The following JAKMIP2 variants were observed in gnomAD, a reference collection of about 807,000 sequenced individuals.
JAKMIP2 encodes janus kinase and microtubule interacting protein 2, also known as janus kinase and microtubule-interacting protein 2.
A neutral mutation model predicts 115.0 loss-of-function variants in JAKMIP2; 25 were observed. The observed-to-expected ratio is 0.22, with a 90% CI of 0.16 to 0.30. JAKMIP2 has a LOEUF of 0.30. Ranked by LOEUF, JAKMIP2 falls within the 10% of genes least tolerant of loss-of-function variation. The pLI is 1.00. For missense variants in JAKMIP2, 642 were observed against 957.6 expected (o/e 0.67, Z 4.35); for synonymous variants, 334 against 343.6 (o/e 0.97, Z 0.31).
intron 8 of JAKMIP2, 34 bp downstream of exon 8, chr5:147,641,674 T>C: frequency 6.7e-7 from 1 of 1,501,258 alleles, no homozygotes; most frequent in Non-Finnish European, 9.3e-7. Context: ...TGGCTGTTTG[T>C]GGCAAATGCC....
At chr5:147,697,088 G>A (rs981861607) in intron 1 of JAKMIP2, among the ~76,000 whole-genome samples, 2 of 152,120 alleles carry the variant, frequency 1.3e-5, no homozygotes, top group Admixed American at 1.3e-4. Context: ...GTAACAAGGA[G>A]CCTGTATTAG....
rs979291431 is a variant in JAKMIP2 at position 147,772,122 on chromosome 5, GT to G, written c.-149+10333del. Among the ~76,000 whole-genome samples the G allele has an allele frequency of 5.7e-4, 86 of 151,966 alleles. 1 individual carries two copies. Among genetic ancestry groups the G allele is most frequent in the African/African-American group, 2.0e-3 (82 of 41,444 alleles). ...CTTGTGAGAATGTGAAGTATTAAAA[GT>G]TTTTTTATAACTTGAAAAATAAAGT... On this transcript the variant is annotated intron_variant, in intron 1 of 21. Transcript: ENST00000616793.
At chr5:147,729,121 AG>A (rs1316836310) in intron 1 of JAKMIP2, among the ~76,000 whole-genome samples, 1 of 152,194 alleles carries the variant, frequency 6.6e-6, no homozygotes, top group Admixed American at 6.5e-5. Flanking sequence ...GGCAGGAAAG[AG>A]GGAAGGGAGG....
At chr5:147,736,782 A>G (rs145831524) in intron 1 of JAKMIP2, among the ~76,000 whole-genome samples, 4 of 152,200 alleles carry the variant, frequency 2.6e-5, no homozygotes, top group African/African-American at 9.6e-5. Flanking sequence ...CAATGTACGG[A>G]ATTTAGGGTC....
At chr5:147,775,026 T>C (rs1374071632) in intron 1 of JAKMIP2, among the ~76,000 whole-genome samples, 1 of 152,118 alleles carries the variant, frequency 6.6e-6, no homozygotes, top group Non-Finnish European at 1.5e-5. Flanking sequence ...ACTCCAGAAA[T>C]TCAAGAATTG....
chr5:147,666,547 G>A (rs1242437340), intron 2 of JAKMIP2, among the ~76,000 whole-genome samples: 2 of 152,124 alleles, frequency 1.3e-5, no homozygotes, highest in South Asian at 2.1e-4. Flanking sequence ...CCTCCCGGGC[G>A]GCTCTATGAT....
At chr5:147,598,277 GC>G in intron 21 of JAKMIP2, among the ~76,000 whole-genome samples, 1 of 152,162 alleles carries the variant, frequency 6.6e-6, no homozygotes, top group Admixed American at 6.5e-5. Context: ...GGGATTACAG[GC>G]GTGAGCCATC....
chr5:147,745,248 T>C lies in JAKMIP2; in HGVS notation c.-149+37208A>G, dbSNP rs946736498. On this transcript the variant is annotated intron_variant, in intron 1 of 21. Transcript: ENST00000616793. ...ATCTGAGAACAGCATGTCAGCAAAA[T>C]ATTAACCAGTGCAAGAAAATCTTAT... is the stretch of plus-strand genomic sequence containing the variant. Among the ~76,000 whole-genome samples, 51 of 152,198 alleles carry C rather than the reference T, an allele frequency of 3.4e-4. 1 individual carries two copies. The highest frequency in any genetic ancestry group is 1.2e-3 in the African/African-American group (48 of 41,528).
chr5:147,753,422 T>C (rs1184190985), intron 1 of JAKMIP2, among the ~76,000 whole-genome samples: 1 of 152,126 alleles, frequency 6.6e-6, no homozygotes, highest in Non-Finnish European at 1.5e-5. Flanking sequence ...TCAGGAAATA[T>C]GAATGTGTGA....
At chr5:147,614,934 A>T (rs1413998307) in intron 19 of JAKMIP2, among the ~76,000 whole-genome samples, 1 of 152,114 alleles carries the variant, frequency 6.6e-6, no homozygotes. Flanking sequence ...CATTTCTTGG[A>T]TCGTAGGTAT....
At chr5:147,607,279 T>C (rs1247660931) in intron 20 of JAKMIP2, among the ~76,000 whole-genome samples, 1 of 152,236 alleles carries the variant, frequency 6.6e-6, no homozygotes, top group Non-Finnish European at 1.5e-5. Context: ...CTTCCAGCTT[T>C]TGCCCATTCA....
chr5:147,640,699 C>T lies in JAKMIP2; in HGVS notation c.1401+5G>A. On this transcript the variant is annotated splice_donor_5th_base_variant and intron_variant, in intron 9 of 21. Transcript: ENST00000616793. ...ACCCTAGGCTAGAGAAGTAGAAAAG[C>T]TTACTTCATCCAAGTCATCATCAGG... The T allele has an allele frequency of 6.2e-7, 1 of 1,613,368 alleles. No individual in the cohort carries two copies.
intron 1 of JAKMIP2, among the ~76,000 whole-genome samples, chr5:147,715,567 T>C (rs897679536): frequency 2.6e-5 from 4 of 151,486 alleles, no homozygotes; most frequent in Admixed American, 6.6e-5. Flanking sequence ...CTAGAACAAA[T>C]AGGATAATTC....
At chr5:147,700,761 T>C (rs1450750329) in intron 1 of JAKMIP2, among the ~76,000 whole-genome samples, 1 of 152,218 alleles carries the variant, frequency 6.6e-6, no homozygotes, top group Non-Finnish European at 1.5e-5. Flanking sequence ...CTCTGGAAGT[T>C]TATTGCCTTT....
chr5:147,756,889 A>G (rs1754763152), intron 1 of JAKMIP2, among the ~76,000 whole-genome samples: 1 of 152,174 alleles, frequency 6.6e-6, no homozygotes, highest in African/African-American at 2.4e-5. Context: ...ATTACAAAGT[A>G]CTGTCTGTGT....
intron 20 of JAKMIP2, among the ~76,000 whole-genome samples, chr5:147,609,382 T>C (rs1472676492): frequency 1.3e-5 from 2 of 152,168 alleles, no homozygotes; most frequent in East Asian, 3.9e-4. Context: ...GGTGACAAAA[T>C]CCCTTAGCAT....
intron 20 of JAKMIP2, among the ~76,000 whole-genome samples, chr5:147,605,939 G>A (rs181409921): frequency 6.6e-6 from 1 of 152,278 alleles, no homozygotes; most frequent in African/African-American, 2.4e-5. Flanking sequence ...GACCAGTGAT[G>A]ATGAGCTTTT....
intron 1 of JAKMIP2, 48 bp downstream of exon 1, chr5:147,782,408 A>T: frequency 6.5e-7 from 1 of 1,529,750 alleles, no homozygotes; most frequent in Non-Finnish European, 8.8e-7. Flanking sequence ...CACAGGTCAA[A>T]TAAGAACACT....
In JAKMIP2 at chr5:147,631,401, A is replaced by G. The variant is rs763365037; in HGVS notation, c.1875+12T>C. Reference sequence around the variant, plus strand: ...AATTTCTACAAACATAAAAAATGAAATATCTGCCTACCTTAACACCTTCTT... The same window carrying G: ...AATTTCTACAAACATAAAAAATGAAGTATCTGCCTACCTTAACACCTTCTT... On this transcript the variant is annotated intron_variant, in intron 14 of 21. Coordinates refer to ENST00000616793, the MANE Select transcript of JAKMIP2 (RefSeq NM_001270941.2). 6.6e-6 allele frequency: 10 copies of G among 1,521,122 alleles called. No homozygotes were observed. The highest frequency in any genetic ancestry group is 2.3e-5 in the East Asian group (1 of 43,420). The allele number at this position is 1,521,122 out of a possible 1,614,324, so 94.2% of individuals were successfully genotyped here. A position where few individuals can be genotyped will look rare whatever the true frequency, so the allele number is the denominator to read the frequency against.
Sources: gnomAD v4.1 joint callset for allele counts (sites outside exome capture counted in the v4.1 genomes callset) on GRCh38, gnomAD v4.1.1 for gene constraint, MANE v1.5 for transcripts, NCBI Gene and HGNC (gene_info 2026-07-23, HGNC 2026-07-21) for gene names.